Variants in KNL1 observed in about 807,000 individuals in gnomAD.
KNL1 encodes kinetochore scaffold 1.
A neutral mutation model predicts 201.3 loss-of-function variants in KNL1; 66 were observed. The observed-to-expected ratio is 0.33, with a 90% CI of 0.27 to 0.40. The LOEUF (loss-of-function observed/expected upper bound fraction) is 0.40, where lower values mean the gene tolerates loss of function less well. KNL1 is among the 10% of genes least tolerant of loss of function. KNL1 has a pLI of 1.00. For synonymous variants in KNL1, 895 were observed against 899.2 expected (o/e 1.00, Z 0.08); for missense variants, 2,815 against 2,690.5 (o/e 1.05, Z -1.02).
Position 40,597,289 on chromosome 15 carries a change from G to A in KNL1, c.-18+2897G>A, listed in dbSNP as rs570773767. On this transcript the variant is annotated intron_variant, in intron 1 of 25. Coordinates refer to ENST00000399668, the MANE Select transcript of KNL1 (RefSeq NM_144508.5). ...TTTTCGAGACAGAGTCTCACTCACTGTGTTGCCCAGGCCAGAATGCAGTGG... is the reference window on the plus strand; with the variant it reads ...TTTTCGAGACAGAGTCTCACTCACTATGTTGCCCAGGCCAGAATGCAGTGG... 9.2e-5 allele frequency among the ~76,000 whole-genome samples: 14 copies of A among 152,068 alleles called. No homozygotes were observed. In the South Asian group the frequency reaches 2.9e-3, roughly 32 times the overall value.
In KNL1 at chr15:40,624,074, G is replaced by A. The variant is rs34758606; in HGVS notation, c.3810G>A (p.Ala1270=). The A allele has an allele frequency of 2.1e-3, 3,415 of 1,614,016 alleles. 66 individuals are homozygous for A. The African/African-American group carries it at 0.039, about 19-fold the overall frequency. ...VVDQACTLEK[A]QVESCQLNNR... The stretch of plus-strand genomic sequence containing the variant: ...ACCAGGCCTGTACATTGGAAAAAGC[G>A]CAAGTTGAAAGCTGTCAGTTAAATA... Residue 1270 remains alanine (A), a synonymous_variant, in exon 10 of 26, where the codon GCG becomes GCA. Transcript: ENST00000399668.
At chr15:40,631,780 G>A (rs1020531544) in intron 13 of KNL1, among the ~76,000 whole-genome samples, 4 of 152,238 alleles carry the variant, frequency 2.6e-5, no homozygotes, top group South Asian at 2.1e-4. Context: ...AGACCAAGGC[G>A]AGAGGAATGC....
chr15:40,609,699 A>C (rs1023710762), intron 5 of KNL1, among the ~76,000 whole-genome samples: 1 of 152,310 alleles, frequency 6.6e-6, no homozygotes, highest in Non-Finnish European at 1.5e-5. Flanking sequence ...CTAGTATGAT[A>C]CCAGGTATAT....
chr15:40,624,345 C>A lies in KNL1; in HGVS notation c.4081C>A (p.Pro1361Thr). 1 of 1,613,870 alleles carries A rather than the reference C, an allele frequency of 6.2e-7. No homozygotes were observed. Among genetic ancestry groups the A allele is most frequent in the South Asian group, 1.1e-5 (1 of 91,062 alleles). Residue 1361 changes from proline (P) to threonine (T), a missense_variant, in exon 10 of 26, where the codon CCT (proline) becomes ACT (threonine). By Grantham distance (38) the Pro-to-Thr change is conservative. Around this residue, in one of 3 missense-constraint regions of KNL1, gnomAD observed 2,464 missense variants for 2,291.7 expected, o/e 1.08. Transcript: ENST00000399668. ...LESEGQPLSA[P>T]CPLLEKEEVI... ...ATCTGAGGGACAGCCTCTCTCTGCT[C>A]CTTGTCCTTTGTTAGAGAAGGAAGA... is the stretch of plus-strand genomic sequence containing the variant.
intron 13 of KNL1, among the ~76,000 whole-genome samples, chr15:40,638,900 C>T (rs1395728537): frequency 6.6e-6 from 1 of 151,794 alleles, no homozygotes; most frequent in Non-Finnish European, 1.5e-5. Context: ...CAACCTCCGC[C>T]TCCCGATTTC....
intron 13 of KNL1, among the ~76,000 whole-genome samples, chr15:40,639,313 C>T (rs959811963): frequency 1.6e-4 from 24 of 150,578 alleles, no homozygotes; most frequent in African/African-American, 2.9e-4. Flanking sequence ...TGGCCGGGCA[C>T]GATGGCTCAT....
At chr15:40,607,886 G>A (rs923085260) in intron 4 of KNL1, among the ~76,000 whole-genome samples, 1 of 151,456 alleles carries the variant, frequency 6.6e-6, no homozygotes, top group Non-Finnish European at 1.5e-5. Flanking sequence ...AAAACAGTAT[G>A]GCAATTCCTC....
chr15:40,626,747 T>C (rs113767438), intron 10 of KNL1, among the ~76,000 whole-genome samples: 1 of 151,342 alleles, frequency 6.6e-6, no homozygotes, highest in Admixed American at 6.6e-5. Context: ...GCCCAGCTAA[T>C]TTTTGTATTT....
At chr15:40,644,753 T>C (rs1208118251) in intron 14 of KNL1, among the ~76,000 whole-genome samples, 1 of 152,236 alleles carries the variant, frequency 6.6e-6, no homozygotes, top group Non-Finnish European at 1.5e-5. Context: ...TGCACAGCCC[T>C]AGATCCCTTA....
At position 40,662,967 on chromosome 15, in the gene KNL1, C is replaced by G. The variant is rs1893952017; in HGVS notation, c.*779C>G. Reference sequence around the variant, plus strand: ...AGAGCAAGACCCTGTCTCAAAAAAACAAAAAGAGAGAAAGCAATAGCACTC... The same window carrying G: ...AGAGCAAGACCCTGTCTCAAAAAAAGAAAAAGAGAGAAAGCAATAGCACTC... On this transcript the variant is annotated 3_prime_UTR_variant, in exon 26 of 26. Coordinates refer to ENST00000399668, the MANE Select transcript of KNL1 (RefSeq NM_144508.5). The G allele has an allele frequency of 5.5e-6, 1 of 182,002 alleles. No homozygotes were observed. The highest frequency in any genetic ancestry group is 1.2e-5 in the Non-Finnish European group (1 of 85,528). The allele number at this position is 182,002 out of a possible 1,614,324, so 11.3% of individuals were successfully genotyped here. A position where few individuals can be genotyped will look rare whatever the true frequency, so the allele number is the denominator to read the frequency against.
intron 4 of KNL1, among the ~76,000 whole-genome samples, chr15:40,608,149 C>T (rs1892034590): frequency 6.6e-6 from 1 of 152,088 alleles, no homozygotes; most frequent in African/African-American, 2.4e-5. Context: ...CTGACACATA[C>T]TACAAAATGT....
At chr15:40,646,537 T>G (rs1893386128) in intron 16 of KNL1, among the ~76,000 whole-genome samples, 1 of 152,136 alleles carries the variant, frequency 6.6e-6, no homozygotes, top group South Asian at 2.1e-4. Flanking sequence ...AGTTCCAACC[T>G]AAAGCTTTGA....
intron 7 of KNL1, among the ~76,000 whole-genome samples, chr15:40,612,662 G>T (rs959307711): frequency 2.6e-5 from 4 of 151,734 alleles, no homozygotes. Context: ...GACTACAGGC[G>T]CCTGCCACCA....
chr15:40,627,338 C>A (rs1427974208), intron 10 of KNL1, among the ~76,000 whole-genome samples: 5 of 152,052 alleles, frequency 3.3e-5, no homozygotes, highest in Non-Finnish European at 7.4e-5. Flanking sequence ...CACGGTGAAA[C>A]CCTGTCTCTA....
intron 13 of KNL1, among the ~76,000 whole-genome samples, chr15:40,635,764 G>A (rs183155899): frequency 6.6e-6 from 1 of 152,348 alleles, no homozygotes; most frequent in African/African-American, 2.4e-5. Flanking sequence ...GGCACTAGCA[G>A]AAGGTGCTAT....
rs370262932 is a variant in KNL1 at position 40,621,433 on chromosome 15, T to C, written c.1169T>C (p.Ile390Thr). 2 of 1,613,684 alleles carry C rather than the reference T, an allele frequency of 1.2e-6. No homozygotes were observed. The highest frequency in any genetic ancestry group is 8.5e-7 in the Non-Finnish European group (1 of 1,179,896). ...AAAATACATATTACCAGAAGTCATA[T>C]TATGGGGGCAGAAACTCACATAGTC... ...ADKIHITRSH[I>T]MGAETHIVSQ... Residue 390 changes from isoleucine (I) to threonine (T), a missense_variant, in exon 10 of 26, where the codon ATT becomes ACT. Ile to Thr is a moderately conservative substitution (Grantham distance 89). Coordinates refer to ENST00000399668, the MANE Select transcript of KNL1 (RefSeq NM_144508.5).
intron 14 of KNL1, among the ~76,000 whole-genome samples, chr15:40,644,343 C>T (rs529864701): frequency 6.6e-6 from 1 of 152,348 alleles, no homozygotes; most frequent in African/African-American, 2.4e-5. Flanking sequence ...TTGCTGCAAA[C>T]ATGTCTCGCC....
chr15:40,614,101 CTT>C (rs35400027), intron 7 of KNL1, among the ~76,000 whole-genome samples: 16 of 132,518 alleles, frequency 1.2e-4, no homozygotes, highest in East Asian at 4.7e-4. Flanking sequence ...CCTGGCCCCC[CTT>C]TTTTTTTTTT....
rs1892585375 is a variant in KNL1 at position 40,622,716 on chromosome 15, G to T, written c.2452G>T (p.Val818Leu). ...TAAAAGTCCCATAGAAAAAAGTGGAGTGCTTAAATCTAACTGTATTATGGA... is the reference window on the plus strand; with the variant it reads ...TAAAAGTCCCATAGAAAAAAGTGGATTGCTTAAATCTAACTGTATTATGGA... ...CGKSPIEKSG[V>L]LKSNCIMDVL... is the part of the protein sequence containing the mutation. The change falls in exon 10 of 26, where the codon GTG becomes TTG. Residue 818 changes from valine (V) to leucine (L), a missense_variant. Val to Leu is a conservative substitution (Grantham distance 32). This residue lies in a region of KNL1 where 2,464 missense variants were observed against 2,291.7 expected (regional missense o/e 1.08). Coordinates refer to ENST00000399668, the MANE Select transcript of KNL1 (RefSeq NM_144508.5). 1.9e-6 allele frequency: 3 copies of T among 1,590,670 alleles called. No homozygotes were observed. The highest frequency in any genetic ancestry group is 2.6e-6 in the Non-Finnish European group (3 of 1,171,770).
Sources: allele counts gnomAD v4.1 joint callset (sites outside exome capture counted in the v4.1 genomes callset), GRCh38; gene constraint gnomAD v4.1.1; regional missense constraint gnomAD v4.1.1; transcripts MANE v1.5; gene names NCBI Gene and HGNC (gene_info 2026-07-23, HGNC 2026-07-21).